Variants in GGA1 observed in about 807,000 individuals in gnomAD.
GGA1 encodes golgi associated, gamma adaptin ear containing, ARF binding protein 1.
GGA1 carries 18 observed loss-of-function variants against 76.9 expected under a neutral mutation model. The observed-to-expected ratio is 0.23, with a 90% CI of 0.16 to 0.35. GGA1 has a LOEUF of 0.35. Ranked by LOEUF, GGA1 falls within the 10% of genes least tolerant of loss-of-function variation. The pLI is 1.00. For synonymous variants in GGA1, 342 were observed against 354.7 expected, an observed-to-expected ratio of 0.96 and a Z score of 0.40; for missense variants, 755 against 859.0, an observed-to-expected ratio of 0.88 and a Z score of 1.51.
chr22:37,617,442 G>A (rs1167804479), intron 3 of GGA1: 1 of 1,025,882 alleles, frequency 9.7e-7, no homozygotes, highest in Non-Finnish European at 1.2e-6. Context: ...AGGAGAGAGG[G>A]GTGTACTGTC....
intron 5 of GGA1, 82 bp downstream of exon 5, chr22:37,620,443 G>T: frequency 6.7e-7 from 1 of 1,482,344 alleles, no homozygotes; most frequent in Non-Finnish European, 9.4e-7. Flanking sequence ...CGGCTTCAGG[G>T]GCTTCTGAGC....
intron 2 of GGA1, among the ~76,000 whole-genome samples, chr22:37,615,472 A>C (rs1457475455): frequency 2.0e-5 from 3 of 151,600 alleles, no homozygotes; most frequent in Non-Finnish European, 4.4e-5. Context: ...ATAAATAAAT[A>C]ATAAAAAATA....
chr22:37,614,912 G>C (rs1321661788), intron 2 of GGA1, among the ~76,000 whole-genome samples: 1 of 152,122 alleles, frequency 6.6e-6, no homozygotes, highest in Non-Finnish European at 1.5e-5. Flanking sequence ...CCAAGAGACA[G>C]AGATTGTAAT....
At chr22:37,620,653 G>T (rs1442022213) in intron 5 of GGA1, among the ~76,000 whole-genome samples, 160 bp from the exon 6 acceptor site, 10 of 152,162 alleles carry the variant, frequency 6.6e-5, no homozygotes, top group Admixed American at 5.2e-4. Flanking sequence ...TGATGGAGTA[G>T]GTAGGAGTAG....
intron 13 of GGA1, 100 bp downstream of exon 13, chr22:37,630,270 CG>C: frequency 1.2e-6 from 1 of 852,016 alleles, no homozygotes; most frequent in Non-Finnish European, 1.8e-6. Context: ...GGGAGAGGCT[CG>C]TTGCTGTCTT....
At chr22:37,611,592 C>A (rs1196090775) in intron 1 of GGA1, among the ~76,000 whole-genome samples, 1 of 152,234 alleles carries the variant, frequency 6.6e-6, no homozygotes, top group African/African-American at 2.4e-5. Context: ...CGGCCAGCCA[C>A]TGGGATTCCA....
At chr22:37,629,377 CCATGCCAGCACA>C in intron 11 of GGA1, 73 bp from the exon 12 acceptor site, 1 of 898,894 alleles carries the variant, frequency 1.1e-6, no homozygotes, top group Admixed American at 2.4e-5. Flanking sequence ...GTAGGGAGCC[CCATGCCAGCACA>C]CATGGCCCCT....
intron 7 of GGA1, among the ~76,000 whole-genome samples, chr22:37,621,969 G>C (rs958673542): frequency 2.0e-5 from 3 of 151,706 alleles, no homozygotes; most frequent in Admixed American, 1.3e-4. Context: ...AAAATACTAA[G>C]TATTTTTAAA....
rs1459300884 is a variant in GGA1 at position 37,616,950 on chromosome 22, C to T, written c.157C>T (p.His53Tyr). 22 of 1,608,962 alleles carry T rather than the reference C, an allele frequency of 1.4e-5. No homozygotes were observed. The highest frequency in any genetic ancestry group is 1.9e-5 in the Non-Finnish European group (22 of 1,177,860). The change falls in exon 3 of 17, where the codon CAC becomes TAC. Residue 53 changes from histidine (H) to tyrosine (Y), a missense_variant. By Grantham distance (83) the His-to-Tyr change is moderately conservative. Coordinates refer to ENST00000343632, the MANE Select transcript of GGA1 (RefSeq NM_013365.5). Reference protein sequence around the residue: ...GPPLATRLLAHKIQSPQEWEA... With the variant: ...GPPLATRLLAYKIQSPQEWEA... The stretch of plus-strand genomic sequence containing the variant: ...TCCACTCGCCACCCGGCTGCTGGCC[C>T]ACAAGATCCAGTCCCCACAGGAGTG...
At chr22:37,629,320 C>T (rs1157419277) in intron 11 of GGA1, 142 bp from the exon 12 acceptor site, 10 of 604,318 alleles carry the variant, frequency 1.7e-5, no homozygotes, top group Non-Finnish European at 2.3e-5. Flanking sequence ...TGCTGGTTCC[C>T]TCTGAAAATG....
Position 37,623,488 on chromosome 22 carries a change from A to C in GGA1, c.750+21A>C. On this transcript the variant is annotated intron_variant, in intron 8 of 16. Transcript: ENST00000343632. The surrounding 1 kb of genome is among the most constrained non-coding windows in gnomAD (Gnocchi z 4.6). ...TGAAGGTGCACCTGCCTCCCTGCCTACCCCACTCCCTGCCCACTCCACAGC... is the reference window on the plus strand; with the variant it reads ...TGAAGGTGCACCTGCCTCCCTGCCTCCCCCACTCCCTGCCCACTCCACAGC... 1 of 1,613,374 alleles carries C rather than the reference A, an allele frequency of 6.2e-7. No individual in the cohort carries two copies. Among genetic ancestry groups the C allele is most frequent in the East Asian group, 2.2e-5 (1 of 44,848 alleles).
chr22:37,627,010 A>G (rs1033810439), intron 11 of GGA1: 5 of 152,186 alleles, frequency 3.3e-5, no homozygotes, highest in African/African-American at 4.8e-5. Context: ...AAAAATACAA[A>G]ATTAGCTGGG....
Position 37,625,831 on chromosome 22 carries a change from G to A in GGA1, c.975G>A (p.Leu325=). ...CGGCCCTGCTGGATCTCTCAGGCCT[G>A]GATCTCCCGCCTGCGGGCACCACCT... ...STSALLDLSG[L]DLPPAGTTYP... Residue 325 remains leucine (L), a synonymous_variant, in exon 11 of 17, where the codon CTG becomes CTA. Coordinates refer to ENST00000343632, the MANE Select transcript of GGA1 (RefSeq NM_013365.5). The surrounding 1 kb of genome is among the most constrained non-coding windows in gnomAD (Gnocchi z 4.1). 3 of 1,609,996 alleles carry A rather than the reference G, an allele frequency of 1.9e-6. No homozygotes were observed. In the South Asian group the frequency reaches 3.3e-5, roughly 18 times the overall value.
At chr22:37,612,975 A>G (rs1452109723) in intron 1 of GGA1, 1 of 985,180 alleles carries the variant, frequency 1.0e-6, no homozygotes, top group African/African-American at 1.7e-5. Flanking sequence ...TCTTCCCCAG[A>G]ACCTCACCCT....
rs531729727 is a variant in GGA1 at position 37,630,246 on chromosome 22, G to C, written c.1331+76G>C. 35 of 1,130,716 alleles carry C rather than the reference G, an allele frequency of 3.1e-5. No homozygotes were observed. In the African/African-American group the frequency reaches 4.9e-4, roughly 16 times the overall value. 70.0% of individuals were successfully genotyped at this position (1,130,716 alleles called of 1,614,324 possible). A position where few individuals can be genotyped will look rare whatever the true frequency, so the allele number is the denominator to read the frequency against. Reference sequence around the variant, plus strand: ...CAAACCAGCAACTTCTCCTGGGCTTGTCCAGGCCCAGCAGGGAGAGGCTCG... The same window carrying C: ...CAAACCAGCAACTTCTCCTGGGCTTCTCCAGGCCCAGCAGGGAGAGGCTCG... On this transcript the variant is annotated intron_variant, in intron 13 of 16. Transcript: ENST00000343632.
rs1412163218 is a variant in GGA1, at chr22:37,625,522, C to T, written c.941-275C>T. ...GAGAAGTGGAGATGGAGGCGCTGCA[C>T]GGAAGCAGCCAAGTTTCAGCAGGGC... is the stretch of plus-strand genomic sequence containing the variant. On this transcript the variant is annotated intron_variant, in intron 10 of 16. Coordinates refer to ENST00000343632, the MANE Select transcript of GGA1 (RefSeq NM_013365.5). The surrounding 1 kb of genome is among the most constrained non-coding windows in gnomAD (Gnocchi z 4.1). Among the ~76,000 whole-genome samples, 2 of 152,036 alleles carry T rather than the reference C, an allele frequency of 1.3e-5. No individual in the cohort carries two copies. The highest frequency in any genetic ancestry group is 2.4e-5 in the African/African-American group (1 of 41,374).
At chr22:37,630,493 G>A (rs1490856567) in intron 13 of GGA1, among the ~76,000 whole-genome samples, 3 of 152,170 alleles carry the variant, frequency 2.0e-5, no homozygotes, top group African/African-American at 7.2e-5. Context: ...CCTTCTAAAG[G>A]TAAGACCCAA....
rs1930681310 is a variant in GGA1 at position 37,625,664 on chromosome 22, G to A, written c.941-133G>A. 5.1e-6 allele frequency: 3 copies of A among 587,258 alleles called. No individual in the cohort carries two copies. The South Asian group carries it at 9.3e-5, about 18-fold the overall frequency. 36.4% of individuals were successfully genotyped at this position (587,258 alleles called of 1,614,324 possible). On this transcript the variant is annotated intron_variant, in intron 10 of 16. Coordinates refer to ENST00000343632, the MANE Select transcript of GGA1 (RefSeq NM_013365.5). This position sits in a 1 kb window ranked among gnomAD's most constrained non-coding sequence, Gnocchi z 4.1. ...GAGCAGTTTCCAGGCAGGGGCTGGT[G>A]TGGCCAAGGAAGGGGAGGCAGGAGA...
Position 37,633,361 on chromosome 22 carries a change from G to A in GGA1, c.*650G>A, listed in dbSNP as rs1355103127. 3 of 152,106 alleles carry A rather than the reference G, an allele frequency of 2.0e-5. No homozygotes were observed. Among genetic ancestry groups the A allele is most frequent in the East Asian group, 3.9e-4 (2 of 5,140 alleles). 9.4% of individuals were successfully genotyped at this position (152,106 alleles called of 1,614,324 possible). A position where few individuals can be genotyped will look rare whatever the true frequency, so the allele number is the denominator to read the frequency against. On this transcript the variant is annotated 3_prime_UTR_variant, in exon 17 of 17. Coordinates refer to ENST00000343632, the MANE Select transcript of GGA1 (RefSeq NM_013365.5). ...CCCCTGAGGGACTGTGGGGGCTCAAGGGTAATGCCAGAGGCCCATGGCCCC... is the reference window on the plus strand; with the variant it reads ...CCCCTGAGGGACTGTGGGGGCTCAAAGGTAATGCCAGAGGCCCATGGCCCC...
Sources: allele counts gnomAD v4.1 joint callset (sites outside exome capture counted in the v4.1 genomes callset), GRCh38; gene constraint gnomAD v4.1.1; non-coding constraint Gnocchi (gnomAD v3.1); transcripts MANE v1.5; gene names NCBI Gene and HGNC (gene_info 2026-07-23, HGNC 2026-07-21).